Variants in ZNF714 observed in about 807,000 individuals in gnomAD.
ZNF714 encodes the protein zinc finger protein 714.
ZNF714 carries 32 observed loss-of-function variants against 46.2 expected under a neutral mutation model. The observed-to-expected ratio is 0.69, with a 90% CI of 0.52 to 0.93. ZNF714 has a LOEUF of 0.93. Ranked by LOEUF, ZNF714 falls within the 40% of genes least tolerant of loss-of-function variation. The pLI is 0.00. For missense variants in ZNF714, 635 were observed against 646.3 expected (o/e 0.98, Z 0.19); for synonymous variants, 199 against 213.1 (o/e 0.93, Z 0.58).
rs1369881435 is a variant in ZNF714, at chr19:21,117,640, T to C, written c.976T>C (p.Ser326Pro). ...EQCGKGFNWS[S>P]TLTKHKRIHT... ...ATGTGGCAAAGGCTTTAACTGGTCT[T>C]CAACCCTTACAAAACATAAAAGAAT... Residue 326 changes from serine (S) to proline (P), a missense_variant, in exon 5 of 5, where the codon TCA becomes CCA. Ser to Pro is a moderately conservative substitution (Grantham distance 74). Coordinates refer to ENST00000456283, the MANE Select transcript of ZNF714 (RefSeq NM_182515.4). The C allele has an allele frequency of 4.3e-6, 7 of 1,613,298 alleles. No homozygotes were observed. In the African/African-American group the frequency reaches 9.4e-5, roughly 22 times the overall value.
At position 21,120,668 on chromosome 19, in the gene ZNF714, A is replaced by G. The variant is rs931316484; in HGVS notation, c.*2336A>G. 3.9e-5 allele frequency: 6 copies of G among 152,186 alleles called. No individual in the cohort carries two copies. The highest frequency in any genetic ancestry group is 5.9e-5 in the Non-Finnish European group (4 of 68,036). The allele number at this position is 152,186 out of a possible 1,614,324, so 9.4% of individuals were successfully genotyped here. A position where few individuals can be genotyped will look rare whatever the true frequency, so the allele number is the denominator to read the frequency against. ...ATTGTGCATTCAATGAAGCATTATTATACCACAAACTTTACCCTGTTCCAC... is the reference window on the plus strand; with the variant it reads ...ATTGTGCATTCAATGAAGCATTATTGTACCACAAACTTTACCCTGTTCCAC... On this transcript the variant is annotated 3_prime_UTR_variant, in exon 5 of 5. Coordinates refer to ENST00000456283, the MANE Select transcript of ZNF714 (RefSeq NM_182515.4).
At chr19:21,100,250 G>A (rs542105142) in intron 4 of ZNF714, among the ~76,000 whole-genome samples, 3 of 151,690 alleles carry the variant, frequency 2.0e-5, no homozygotes, top group Admixed American at 2.0e-4. Context: ...TTGGCCAGCC[G>A]CAGTGTCTCA....
rs1427993962 is a variant in ZNF714 at position 21,120,558 on chromosome 19, G to A, written c.*2226G>A. On this transcript the variant is annotated 3_prime_UTR_variant, in exon 5 of 5. Coordinates refer to ENST00000456283, the MANE Select transcript of ZNF714 (RefSeq NM_182515.4). ...TAAAATTTAGTTTATCATACTAATT[G>A]TACTTTTATATAAGATGCAGTACAT... The A allele has an allele frequency of 2.6e-5, 4 of 151,896 alleles. No homozygotes were observed. The highest frequency in any genetic ancestry group is 5.9e-5 in the Non-Finnish European group (4 of 67,978). The allele number at this position is 151,896 out of a possible 1,614,324, so 9.4% of individuals were successfully genotyped here. A position where few individuals can be genotyped will look rare whatever the true frequency, so the allele number is the denominator to read the frequency against.
At chr19:21,086,271 CA>C (rs1233411052) in intron 2 of ZNF714, among the ~76,000 whole-genome samples, 1 of 152,128 alleles carries the variant, frequency 6.6e-6, no homozygotes, top group South Asian at 2.1e-4. Flanking sequence ...ATTCAAGCCC[CA>C]CAAGAGGGTT....
At chr19:21,093,442 G>C (rs1483664692) in intron 2 of ZNF714, among the ~76,000 whole-genome samples, 1 of 150,506 alleles carries the variant, frequency 6.6e-6, no homozygotes, top group Non-Finnish European at 1.5e-5. Flanking sequence ...ATGTTGCCCA[G>C]GCTGGTCTCA....
chr19:21,094,327 A>C (rs1239259887), intron 2 of ZNF714, among the ~76,000 whole-genome samples: 1 of 152,228 alleles, frequency 6.6e-6, no homozygotes, highest in East Asian at 1.9e-4. Flanking sequence ...TGTAATAAAC[A>C]TGCATATGCA....
chr19:21,082,448 C>T, intron 1 of ZNF714, 100 bp downstream of exon 1: 1 of 1,192,012 alleles, frequency 8.4e-7, no homozygotes, highest in Non-Finnish European at 1.2e-6. Flanking sequence ...GCAGTCAACT[C>T]TACAATCTGC....
intron 1 of ZNF714, among the ~76,000 whole-genome samples, chr19:21,082,589 T>A (rs1435381171): frequency 2.0e-5 from 3 of 152,106 alleles, no homozygotes; most frequent in Non-Finnish European, 4.4e-5. Flanking sequence ...TGGAGTCCTC[T>A]CAGGGCAGCT....
intron 4 of ZNF714, among the ~76,000 whole-genome samples, chr19:21,102,585 T>A (rs1969207147): frequency 6.6e-6 from 1 of 152,186 alleles, no homozygotes; most frequent in Non-Finnish European, 1.5e-5. Context: ...ATAAAAATTA[T>A]CACATTTCTT....
Position 21,119,815 on chromosome 19 carries a change from G to GA in ZNF714, c.*1488dup, listed in dbSNP as rs1277851954. The GA allele has an allele frequency of 6.6e-6, 1 of 152,168 alleles. No homozygotes were observed. The highest frequency in any genetic ancestry group is 1.5e-5 in the Non-Finnish European group (1 of 68,030). 9.4% of individuals were successfully genotyped at this position (152,168 alleles called of 1,614,324 possible). A position where few individuals can be genotyped will look rare whatever the true frequency, so the allele number is the denominator to read the frequency against. ...TGAGTATAGAAAATTAAAGTTGGTA[G>GA]AAAAATTATTTGTATATAACTTTAA... is the stretch of plus-strand genomic sequence containing the variant. On this transcript the variant is annotated 3_prime_UTR_variant, in exon 5 of 5. Coordinates refer to ENST00000456283, the MANE Select transcript of ZNF714 (RefSeq NM_182515.4).
chr19:21,083,164 G>GTAGCTGGGA (rs1265375573), intron 1 of ZNF714, among the ~76,000 whole-genome samples: 2 of 152,020 alleles, frequency 1.3e-5, no homozygotes, highest in African/African-American at 2.4e-5. Flanking sequence ...AGCCTCCCAG[G>GTAGCTGGGA]TAGCTGGGAT....
In ZNF714 at chr19:21,124,704, C is replaced by A. The variant is rs1459480043; in HGVS notation, c.*6372C>A. On this transcript the variant is annotated 3_prime_UTR_variant, in exon 5 of 5. Transcript: ENST00000456283. The stretch of plus-strand genomic sequence containing the variant: ...TACAATAAATCTCTTGAACTTATTT[C>A]TCCTATTTGACTATAATTACTTATT... 6.6e-6 allele frequency among the ~76,000 whole-genome samples: 1 copy of A among 152,022 alleles called. No homozygotes were observed. Among genetic ancestry groups the A allele is most frequent in the Non-Finnish European group, 1.5e-5 (1 of 67,992 alleles).
intron 2 of ZNF714, among the ~76,000 whole-genome samples, chr19:21,090,214 AAG>A (rs1410545920): frequency 2.6e-5 from 4 of 152,188 alleles, no homozygotes; most frequent in African/African-American, 4.8e-5. Context: ...AGAAAGGGAA[AAG>A]AGAGAAAAAG....
Position 21,110,637 on chromosome 19 carries a change from C to T in ZNF714, c.143-6170C>T, listed in dbSNP as rs373724185. ...TTGCTTTTGTTGCAATTGCTTTTGA[C>T]GCTTTCCTCATGAAATCTTTGCCCA... On this transcript the variant is annotated intron_variant, in intron 4 of 4. Coordinates refer to ENST00000456283, the MANE Select transcript of ZNF714 (RefSeq NM_182515.4). 5.9e-5 allele frequency among the ~76,000 whole-genome samples: 9 copies of T among 152,190 alleles called. No homozygotes were observed. The South Asian group carries it at 6.2e-4, about 11-fold the overall frequency.
intron 4 of ZNF714, among the ~76,000 whole-genome samples, chr19:21,104,737 C>G (rs1432477905): frequency 6.6e-6 from 1 of 151,844 alleles, no homozygotes; most frequent in Admixed American, 6.6e-5. Flanking sequence ...CTCAGCCTCC[C>G]GAGTAGCTGA....
At chr19:21,090,478 T>C (rs889415792) in intron 2 of ZNF714, among the ~76,000 whole-genome samples, 2 of 152,150 alleles carry the variant, frequency 1.3e-5, no homozygotes, top group African/African-American at 4.8e-5. Context: ...CCAAAGAGAA[T>C]AGCAATGAAT....
At chr19:21,087,923 T>C (rs994820495) in intron 2 of ZNF714, among the ~76,000 whole-genome samples, 2 of 152,238 alleles carry the variant, frequency 1.3e-5, no homozygotes, top group Non-Finnish European at 2.9e-5. Flanking sequence ...AGTTACATGT[T>C]ACAATGTTAA....
chr19:21,106,202 C>T (rs1367528646), intron 4 of ZNF714, among the ~76,000 whole-genome samples: 1 of 151,834 alleles, frequency 6.6e-6, no homozygotes, highest in African/African-American at 2.4e-5. Context: ...TTTCAGTGAG[C>T]CGAGGTCGCA....
intron 2 of ZNF714, among the ~76,000 whole-genome samples, chr19:21,094,678 C>T (rs947614043): frequency 6.6e-6 from 1 of 152,140 alleles, no homozygotes; most frequent in Non-Finnish European, 1.5e-5. Context: ...AGATGTGTGC[C>T]ACCAAGCCTG....
Sources: gnomAD v4.1 joint callset for allele counts (sites outside exome capture counted in the v4.1 genomes callset) on GRCh38, gnomAD v4.1.1 for gene constraint, MANE v1.5 for transcripts, NCBI Gene and HGNC (gene_info 2026-07-23, HGNC 2026-07-21) for gene names.